The following EFCAB7 variants were observed in gnomAD, a reference collection of about 807,000 sequenced individuals.
EFCAB7 encodes EF-hand calcium binding domain 7, also known as EF-hand calcium-binding domain-containing protein 7.
A neutral mutation model predicts 77.1 loss-of-function variants in EFCAB7; 66 were observed. The ratio of observed to expected loss-of-function variants is 0.86; its 90% CI spans 0.70 to 1.05. The LOEUF is 1.05. Ranked by LOEUF, EFCAB7 falls within the 50% of genes least tolerant of loss-of-function variation. The pLI is 0.00. For synonymous variants in EFCAB7, 225 were observed against 243.3 expected, an observed-to-expected ratio of 0.92 and a Z score of 0.70; for missense variants, 638 against 730.5, an observed-to-expected ratio of 0.87 and a Z score of 1.46.
chr1:63,546,438 C>T (rs902510398), intron 7 of EFCAB7, among the ~76,000 whole-genome samples: 12 of 151,608 alleles, frequency 7.9e-5, no homozygotes, highest in African/African-American at 2.7e-4. Flanking sequence ...GATCTTGGCT[C>T]ACTGCAACCT....
chr1:63,582,590 T>A, the EFCAB7 span, among the ~76,000 whole-genome samples: 1 of 152,220 alleles, frequency 6.6e-6, no homozygotes, highest in African/African-American at 2.4e-5. Flanking sequence ...GAAGTCATTA[T>A]ATGACAAAGC....
chr1:63,550,716 A>G (rs1002439658), intron 7 of EFCAB7: 1 of 151,842 alleles, frequency 6.6e-6, no homozygotes, highest in African/African-American at 2.4e-5. Context: ...GTAGAATTCT[A>G]GAAGAGGACT....
intron 1 of EFCAB7, among the ~76,000 whole-genome samples, 195 bp from the exon 2 acceptor site, chr1:63,525,377 G>A (rs552652052): frequency 6.6e-6 from 1 of 151,922 alleles, no homozygotes; most frequent in Non-Finnish European, 1.5e-5. Context: ...TATATAATAC[G>A]TCCATATACA....
chr1:63,531,429 T>G (rs964121827), intron 2 of EFCAB7, among the ~76,000 whole-genome samples: 5 of 152,138 alleles, frequency 3.3e-5, no homozygotes, highest in Non-Finnish European at 7.4e-5. Context: ...AATTTATACT[T>G]TTTGTGTTAT....
chr1:63,553,364 C>T (rs1646988784), intron 8 of EFCAB7, among the ~76,000 whole-genome samples: 3 of 152,144 alleles, frequency 2.0e-5, no homozygotes, highest in Admixed American at 6.5e-5. Context: ...TGTTTTGAGA[C>T]GGAGTCTTGC....
At chr1:63,571,958 G>A (rs555009680) in intron 13 of EFCAB7, among the ~76,000 whole-genome samples, 72 of 152,156 alleles carry the variant, frequency 4.7e-4, no homozygotes, top group African/African-American at 1.7e-3. Flanking sequence ...CAGAACTCTG[G>A]GTTTCTGATT....
At chr1:63,574,864 A>C (rs1647366506), downstream of EFCAB7, among the ~76,000 whole-genome samples, 1 of 152,346 alleles carries the variant, frequency 6.6e-6, no homozygotes. Flanking sequence ...GAGTTAAGGC[A>C]GTGAGTTCAG....
At chr1:63,550,789 G>A (rs1191664010) in intron 7 of EFCAB7, among the ~76,000 whole-genome samples, 1 of 152,030 alleles carries the variant, frequency 6.6e-6, no homozygotes, top group East Asian at 1.9e-4. Context: ...GGTATATTTT[G>A]AAGGCAGAAC....
At position 63,568,545 on chromosome 1, in the gene EFCAB7, C is replaced by T. The variant is rs763547785; in HGVS notation, c.1707+26C>T. 9.0e-6 allele frequency: 14 copies of T among 1,556,908 alleles called. No homozygotes were observed. In the South Asian group the frequency reaches 1.6e-4, roughly 18 times the overall value. On this transcript the variant is annotated intron_variant, in intron 12 of 13. Coordinates refer to ENST00000371088, the MANE Select transcript of EFCAB7 (RefSeq NM_032437.4). ...GTATCAATTATGAGGTGGTTTTCCTCATTTTGCTACAAAGCTTACTAATAT... is the reference window on the plus strand; with the variant it reads ...GTATCAATTATGAGGTGGTTTTCCTTATTTTGCTACAAAGCTTACTAATAT...
chr1:63,551,591 G>GGA (rs762535894), intron 7 of EFCAB7, 134 bp from the exon 8 acceptor site: 58 of 340,794 alleles, frequency 1.7e-4, no homozygotes, highest in African/African-American at 1.2e-3. Flanking sequence ...ACTCCGTCTT[G>GGA]AAAAAAAAAA....
rs1455533965 is a variant in EFCAB7, at chr1:63,551,735, C to G, written c.957C>G (p.Ser319=). 3 of 1,530,360 alleles carry G rather than the reference C, an allele frequency of 2.0e-6. No individual in the cohort carries two copies. The highest frequency in any genetic ancestry group is 1.8e-4 in the Middle Eastern group (1 of 5,684). 94.8% of individuals were successfully genotyped at this position (1,530,360 alleles called of 1,614,324 possible). The part of the protein sequence containing the change: ...LNLSQVEGKP[S]PWLSVDTALY... ...TTTTTTTGTTTGTAGGAAAACCATC[C>G]CCTTGGTTATCCGTTGATACTGCCT... The change falls in exon 8 of 14, where the codon TCC becomes TCG. Residue 319 remains serine, a synonymous_variant. Transcript: ENST00000371088.
chr1:63,548,367 A>T (rs1246049318), intron 7 of EFCAB7: 2 of 152,176 alleles, frequency 1.3e-5, no homozygotes, highest in Non-Finnish European at 2.9e-5. Flanking sequence ...TTTATTCTCC[A>T]TATATAAGGT....
chr1:63,525,854 C>A, intron 2 of EFCAB7, 95 bp downstream of exon 2: 1 of 843,730 alleles, frequency 1.2e-6, no homozygotes, highest in Non-Finnish European at 1.8e-6. Context: ...GTTGAATCAT[C>A]CCAGTTTCTT....
downstream of EFCAB7, among the ~76,000 whole-genome samples, chr1:63,575,390 C>G (rs1480721775): frequency 6.6e-6 from 1 of 151,966 alleles, no homozygotes; most frequent in Non-Finnish European, 1.5e-5. Context: ...ATATACTACA[C>G]TAATATTTTG....
intron 7 of EFCAB7, chr1:63,549,880 G>A: frequency 6.4e-6 from 1 of 155,294 alleles, no homozygotes; most frequent in Non-Finnish European, 1.4e-5. Context: ...TTATATTTTG[G>A]GTTTATTTAT....
At chr1:63,526,421 C>T (rs1159870974) in intron 2 of EFCAB7, among the ~76,000 whole-genome samples, 3 of 152,088 alleles carry the variant, frequency 2.0e-5, no homozygotes, top group Admixed American at 6.6e-5. Flanking sequence ...AGGCTAATAA[C>T]TTTATGGGTA....
the EFCAB7 span, among the ~76,000 whole-genome samples, chr1:63,585,151 T>G: frequency 7.8e-6 from 1 of 129,006 alleles, no homozygotes; most frequent in African/African-American, 3.8e-5. Context: ...TTGGAAGAGG[T>G]TTTTTTTTTT....
chr1:63,529,273 C>G (rs905387754), intron 2 of EFCAB7: 3 of 152,206 alleles, frequency 2.0e-5, no homozygotes, highest in Admixed American at 1.3e-4. Flanking sequence ...GCGGTTACCA[C>G]AACTACAACT....
At chr1:63,528,628 C>G (rs564134791) in intron 2 of EFCAB7, among the ~76,000 whole-genome samples, 8 of 151,888 alleles carry the variant, frequency 5.3e-5, no homozygotes, top group Non-Finnish European at 1.2e-4. Flanking sequence ...CCTATTTACC[C>G]TGATGTAATT....
Sources: gnomAD v4.1 joint callset for allele counts (sites outside exome capture counted in the v4.1 genomes callset) on GRCh38, gnomAD v4.1.1 for gene constraint, MANE v1.5 for transcripts, NCBI Gene and HGNC (gene_info 2026-07-23, HGNC 2026-07-21) for gene names.